The following ERC1 variants were observed in gnomAD, a reference collection of about 807,000 sequenced individuals.
The protein encoded by ERC1 is RAB6 interacting protein 2.
A neutral mutation model predicts 132.0 loss-of-function variants in ERC1; 56 were observed. The ratio of observed to expected loss-of-function variants is 0.42; its 90% CI spans 0.34 to 0.53. The LOEUF (loss-of-function observed/expected upper bound fraction) is 0.53. Among genes scored for constraint, ERC1 ranks in the 20% least tolerant of loss-of-function variants. The pLI is 0.03. For synonymous variants in ERC1, 478 were observed against 476.1 expected (o/e 1.00, Z -0.05); for missense variants, 1,202 against 1,349.9 (o/e 0.89, Z 1.72).
chr12:1,043,192 T>G (rs992630698), intron 2 of ERC1, among the ~76,000 whole-genome samples: 7 of 151,910 alleles, frequency 4.6e-5, no homozygotes, highest in African/African-American at 1.7e-4. Context: ...TACAGACGCC[T>G]GCTACCACGC....
intron 16 of ERC1, among the ~76,000 whole-genome samples, chr12:1,400,180 T>C (rs981967889): frequency 9.8e-5 from 15 of 152,358 alleles, no homozygotes; most frequent in African/African-American, 3.1e-4. Flanking sequence ...CATTTCCCTA[T>C]TGGTGTTGCA....
chr12:1,294,851 T>G (rs866547528), intron 15 of ERC1, among the ~76,000 whole-genome samples: 1 of 152,214 alleles, frequency 6.6e-6, no homozygotes, highest in South Asian at 2.1e-4. Context: ...TCTTTTTCAT[T>G]GTTCTCCAGA....
rs576796465 is a variant in ERC1 at position 996,709 on chromosome 12, G to A, written c.-157+5387G>A. Among the ~76,000 whole-genome samples, 36 of 152,250 alleles carry A rather than the reference G, an allele frequency of 2.4e-4. 1 individual carries two copies. In the South Asian group the frequency reaches 7.5e-3, roughly 32 times the overall value. On this transcript the variant is annotated intron_variant, in intron 1 of 18. Transcript: ENST00000360905. The stretch of plus-strand genomic sequence containing the variant: ...TTATGTACACTTATTTTAAGAAATA[G>A]GTAATATATGTACTAAATTAGAAGG...
At chr12:1,164,269 T>TTATTTTA (rs1336174360) in intron 8 of ERC1, among the ~76,000 whole-genome samples, 10 of 125,850 alleles carry the variant, frequency 7.9e-5, no homozygotes, top group African/African-American at 3.6e-4. Flanking sequence ...TTATTTTATG[T>TTATTTTA]TGTTATTTTA....
At chr12:1,185,605 G>T (rs1354130136) in intron 11 of ERC1, among the ~76,000 whole-genome samples, 1 of 152,008 alleles carries the variant, frequency 6.6e-6, no homozygotes, top group Non-Finnish European at 1.5e-5. Context: ...GCCAAGTGTT[G>T]CCAGAAAGTC....
At chr12:1,024,868 G>T (rs1360632963) in intron 1 of ERC1, among the ~76,000 whole-genome samples, 1 of 145,346 alleles carries the variant, frequency 6.9e-6, no homozygotes, top group Non-Finnish European at 1.5e-5. Flanking sequence ...GAAAATACTT[G>T]GGAAAAAATA....
chr12:1,037,500 T>C (rs1433263192), intron 2 of ERC1, among the ~76,000 whole-genome samples: 1 of 152,184 alleles, frequency 6.6e-6, no homozygotes, highest in Non-Finnish European at 1.5e-5. Context: ...ATGAGTGCAC[T>C]GTTATGCCCA....
intron 8 of ERC1, among the ~76,000 whole-genome samples, chr12:1,176,668 C>T (rs946788298): frequency 1.3e-5 from 2 of 151,912 alleles, no homozygotes; most frequent in African/African-American, 4.8e-5. Flanking sequence ...GCAACCTCTG[C>T]CTTTTGGGTT....
intron 1 of ERC1, among the ~76,000 whole-genome samples, chr12:1,019,209 C>T (rs578001456): frequency 4.0e-4 from 61 of 152,236 alleles, no homozygotes; most frequent in African/African-American, 1.4e-3. Flanking sequence ...CTGCAACCTC[C>T]GCCTCTTGGG....
At chr12:1,473,216 A>G (rs1292856831) in intron 18 of ERC1, among the ~76,000 whole-genome samples, 2 of 151,952 alleles carry the variant, frequency 1.3e-5, no homozygotes, top group African/African-American at 4.8e-5. Flanking sequence ...TTAAGTAGAG[A>G]CAGGGTTTCA....
intron 7 of ERC1, among the ~76,000 whole-genome samples, chr12:1,131,868 G>C (rs1347460443): frequency 2.0e-5 from 3 of 152,162 alleles, no homozygotes; most frequent in Non-Finnish European, 4.4e-5. Flanking sequence ...AAAGCCTTCT[G>C]TTTTTATTGA....
chr12:1,389,481 T>C (rs943087607), intron 16 of ERC1, among the ~76,000 whole-genome samples: 9 of 152,248 alleles, frequency 5.9e-5, no homozygotes, highest in African/African-American at 1.9e-4. Flanking sequence ...TCAATGAGCA[T>C]ATGCCCTCTG....
At chr12:1,322,828 A>G (rs2082201455) in intron 15 of ERC1, among the ~76,000 whole-genome samples, 1 of 152,150 alleles carries the variant, frequency 6.6e-6, no homozygotes, top group South Asian at 2.1e-4. Flanking sequence ...CCATTTTAGA[A>G]CAGCCAAAAT....
At chr12:1,321,204 T>C (rs2082093781) in intron 15 of ERC1, among the ~76,000 whole-genome samples, 1 of 152,252 alleles carries the variant, frequency 6.6e-6, no homozygotes, top group African/African-American at 2.4e-5. Context: ...TTTAATTTAC[T>C]CTGAGCCTCA....
intron 12 of ERC1, among the ~76,000 whole-genome samples, chr12:1,202,361 C>G (rs1956989723): frequency 1.3e-5 from 2 of 151,994 alleles, no homozygotes; most frequent in Admixed American, 1.3e-4. Context: ...AGTTATTTCC[C>G]AAGAGTTACA....
intron 15 of ERC1, among the ~76,000 whole-genome samples, chr12:1,290,599 A>G (rs1594798589): frequency 6.6e-6 from 1 of 152,338 alleles, no homozygotes; most frequent in Middle Eastern, 3.4e-3. Flanking sequence ...GCTAATACAT[A>G]GTAGATGTTT....
At chr12:1,420,072 A>G (rs1478724511) in intron 17 of ERC1, among the ~76,000 whole-genome samples, 1 of 152,112 alleles carries the variant, frequency 6.6e-6, no homozygotes, top group African/African-American at 2.4e-5. Context: ...TGGTTGCTTT[A>G]TTAGCATAAT....
rs141123922 is a variant in ERC1, at chr12:1,298,522, G to A, written c.2780+8510G>A. Among the ~76,000 whole-genome samples, 596 of 136,542 alleles carry A rather than the reference G, an allele frequency of 4.4e-3. 6 individuals are homozygous for A. Among genetic ancestry groups the A allele is most frequent in the African/African-American group, 0.015 (551 of 35,816 alleles). The allele number at this position is 136,542 out of a possible 152,430, so 89.6% of individuals were successfully genotyped here. A position where few individuals can be genotyped will look rare whatever the true frequency, so the allele number is the denominator to read the frequency against. ...GGCGCCACTGCACTCCAGCCTGGAC[G>A]ACAGAACGAGACTCTGTCACAAAAA... On this transcript the variant is annotated intron_variant, in intron 15 of 18. Transcript: ENST00000360905.
At position 1,269,903 on chromosome 12, in the gene ERC1, C is replaced by T. The variant is rs974823745; in HGVS notation, c.2619+6738C>T. 3.9e-5 allele frequency among the ~76,000 whole-genome samples: 6 copies of T among 152,284 alleles called. No homozygotes were observed. In the East Asian group the frequency reaches 1.2e-3, roughly 29 times the overall value. ...CCTCTATTCCTCAGAGGTGAAAAAA[C>T]TTTGGAATGTTAACAAAGGGACAAT... On this transcript the variant is annotated intron_variant, in intron 14 of 18. Coordinates refer to ENST00000360905, the MANE Select transcript of ERC1 (RefSeq NM_178040.4).
Sources: gnomAD v4.1 joint callset for allele counts (sites outside exome capture counted in the v4.1 genomes callset) on GRCh38, gnomAD v4.1.1 for gene constraint, MANE v1.5 for transcripts, NCBI Gene and HGNC (gene_info 2026-07-23, HGNC 2026-07-21) for gene names.